The following CUX1 variants were observed in gnomAD, a reference collection of about 807,000 sequenced individuals.
The protein encoded by CUX1 is protein CASP.
A neutral mutation model predicts 158.8 loss-of-function variants in CUX1; 31 were observed. That is an observed-to-expected ratio of 0.20 (90% CI 0.15 to 0.26). The LOEUF (loss-of-function observed/expected upper bound fraction) is 0.26. CUX1 is among the 10% of genes least tolerant of loss of function. The pLI, the probability that CUX1 is intolerant of heterozygous loss-of-function variation, is 1.00. For synonymous variants in CUX1, 879 were observed against 862.1 expected (o/e 1.02, Z -0.34); for missense variants, 1,589 against 2,014.6 (o/e 0.79, Z 4.04).
intron 1 of CUX1, among the ~76,000 whole-genome samples, chr7:101,885,460 G>A (rs988571898): frequency 7.9e-5 from 12 of 152,210 alleles, no homozygotes; most frequent in African/African-American, 2.9e-4. Context: ...TCGGGAGGCT[G>A]AGGTGGGAGG....
chr7:102,271,513 G>A (rs1205674683), intron 14 of CUX1, among the ~76,000 whole-genome samples: 1 of 152,224 alleles, frequency 6.6e-6, no homozygotes, highest in Non-Finnish European at 1.5e-5. Flanking sequence ...ACTCAGGCCA[G>A]GAGGGCATGG....
rs75939103 is a variant in CUX1, at chr7:101,853,746, A to G, written c.30+36077A>G. ...CTTGGACTGGTCAGTTTCTCTAGCA[A>G]GGAGCCCTCAGTGTTCCTGCTGGGT... On this transcript the variant is annotated intron_variant, in intron 1 of 23. Coordinates refer to ENST00000292535, the MANE Select transcript of CUX1 (RefSeq NM_181552.4). Among the ~76,000 whole-genome samples the G allele has an allele frequency of 9.0e-3, 1,364 of 152,280 alleles. 10 individuals carry two copies. The highest frequency in any genetic ancestry group is 0.031 in the Middle Eastern group (9 of 294).
intron 9 of CUX1, among the ~76,000 whole-genome samples, chr7:102,168,119 A>G (rs1409661199): frequency 6.6e-6 from 1 of 151,698 alleles, no homozygotes; most frequent in African/African-American, 2.4e-5. Context: ...ATTAATTAGC[A>G]TGAACCAGAA....
chr7:102,216,532 C>CCACACACACACACACCCCCACACA (rs1797077335), intron 20 of CUX1, among the ~76,000 whole-genome samples: 1 of 88,376 alleles, frequency 1.1e-5, no homozygotes, highest in African/African-American at 4.5e-5. Context: ...ACACTCTCCC[C>CCACACACACACACACCCCCACACA]CCCACACACA....
At chr7:102,043,972 G>T (rs1822439081) in intron 3 of CUX1, among the ~76,000 whole-genome samples, 1 of 152,026 alleles carries the variant, frequency 6.6e-6, no homozygotes, top group Admixed American at 6.6e-5. Context: ...TCATATACCT[G>T]TCAGCCGTTT....
chr7:101,996,992 C>T (rs1165836301), intron 2 of CUX1, among the ~76,000 whole-genome samples: 3 of 151,968 alleles, frequency 2.0e-5, no homozygotes, highest in Non-Finnish European at 4.4e-5. Context: ...TGTGCACTCC[C>T]CTGCGCTCGT....
At chr7:102,003,800 A>C (rs576376434) in intron 2 of CUX1, among the ~76,000 whole-genome samples, 2 of 152,228 alleles carry the variant, frequency 1.3e-5, no homozygotes, top group Admixed American at 1.3e-4. Flanking sequence ...ATAACATAGG[A>C]TATTAAATAT....
rs550614019 is a variant in CUX1, at chr7:101,932,317, C to G, written c.141+16092C>G. ...ATGGGGCCGGCGTCAGCCTATTTCC[C>G]TGGGGTCAGGTGTGTTCACATAATC... On this transcript the variant is annotated intron_variant, in intron 2 of 23. Transcript: ENST00000292535. The G allele has an allele frequency of 4.1e-4, 89 of 214,862 alleles. No individual in the cohort carries two copies. In the South Asian group the frequency reaches 5.7e-3, roughly 14 times the overall value. The allele number at this position is 214,862 out of a possible 1,614,324, so 13.3% of individuals were successfully genotyped here.
At chr7:102,026,759 G>T (rs1585323903) in intron 2 of CUX1, among the ~76,000 whole-genome samples, 1 of 145,078 alleles carries the variant, frequency 6.9e-6, no homozygotes, top group East Asian at 2.0e-4. Flanking sequence ...GGTGTAGGTT[G>T]CAGTAAGCCG....
chr7:102,155,234 C>T (rs139241279), intron 8 of CUX1, among the ~76,000 whole-genome samples: 20 of 152,102 alleles, frequency 1.3e-4, no homozygotes, highest in African/African-American at 4.8e-4. Context: ...AACTGAAGTA[C>T]AAAATTGTGT....
At chr7:101,976,505 T>C (rs1812704344) in intron 2 of CUX1, among the ~76,000 whole-genome samples, 1 of 152,204 alleles carries the variant, frequency 6.6e-6, no homozygotes, top group South Asian at 2.1e-4. Flanking sequence ...TGAAATGAAC[T>C]TCCCCTAAAA....
At chr7:101,908,450 T>TTTG (rs1803010972) in intron 1 of CUX1, among the ~76,000 whole-genome samples, 2 of 150,176 alleles carry the variant, frequency 1.3e-5, no homozygotes, top group African/African-American at 4.9e-5. Context: ...CCAGCCTGTT[T>TTTG]TTTGTTTGTT....
In CUX1 at chr7:102,249,986, C is replaced by T. The variant is rs1801318177; in HGVS notation, c.*944C>T. On this transcript the variant is annotated 3_prime_UTR_variant, in exon 24 of 24. Transcript: ENST00000292535. ...ACATTGATGTATAGCTTTAACTGAC[C>T]CTGGGTTTTGCAGACCAGGGTTTGT... is the stretch of plus-strand genomic sequence containing the variant. 2 of 984,548 alleles carry T rather than the reference C, an allele frequency of 2.0e-6. No homozygotes were observed. The highest frequency in any genetic ancestry group is 1.2e-4 in the Admixed American group (2 of 16,174). The allele number at this position is 984,548 out of a possible 1,614,324, so 61.0% of individuals were successfully genotyped here. A position where few individuals can be genotyped will look rare whatever the true frequency, so the allele number is the denominator to read the frequency against.
intron 8 of CUX1, among the ~76,000 whole-genome samples, chr7:102,123,236 TA>T (rs200334224): frequency 1.1e-4 from 14 of 132,482 alleles, no homozygotes; most frequent in South Asian, 4.9e-4. Flanking sequence ...GTCTCAAAAA[TA>T]AAAAAAAAAG....
In CUX1 at chr7:102,254,268, A is replaced by AGC; in HGVS notation, c.*5226_*5227insGC. 2.0e-6 allele frequency: 2 copies of AGC among 985,314 alleles called. No homozygotes were observed. Among genetic ancestry groups the AGC allele is most frequent in the Non-Finnish European group, 2.4e-6 (2 of 829,952 alleles). The allele number at this position is 985,314 out of a possible 1,614,324, so 61.0% of individuals were successfully genotyped here. On this transcript the variant is annotated 3_prime_UTR_variant, in exon 24 of 24. Transcript: ENST00000292535. Reference sequence around the variant, plus strand: ...TCCTGCTCAGCTGTTAAGATCCATCATGGCCATTATCCTTGTCCCGGACTG... The same window carrying AGC: ...TCCTGCTCAGCTGTTAAGATCCATCAGCTGGCCATTATCCTTGTCCCGGACTG...
At position 102,243,674 on chromosome 7, in the gene CUX1, TAATAA is replaced by T. The variant is rs1473683105; in HGVS notation, c.3887+4097_3887+4101del. Among the ~76,000 whole-genome samples the T allele has an allele frequency of 1.2e-4, 17 of 140,734 alleles. No individual in the cohort carries two copies. In the East Asian group the frequency reaches 2.4e-3, roughly 20 times the overall value. The allele number at this position is 140,734 out of a possible 152,430, so 92.3% of individuals were successfully genotyped here. ...ATAATAATAATAATAATAATAATAA[TAATAA>T]AATAAATGAAGGAGAAGTGAGCATT... On this transcript the variant is annotated intron_variant, in intron 23 of 23. Coordinates refer to ENST00000292535, the MANE Select transcript of CUX1 (RefSeq NM_181552.4).
chr7:102,213,051 T>C (rs992407833), intron 20 of CUX1, among the ~76,000 whole-genome samples: 3 of 152,010 alleles, frequency 2.0e-5, no homozygotes, highest in Admixed American at 1.3e-4. Flanking sequence ...ACCATGTTGC[T>C]CAGGCTGGCC....
chr7:102,073,161 C>CTTTATTTTTTTTTTTTTTTTTT (rs1826323524), intron 4 of CUX1, among the ~76,000 whole-genome samples: 1 of 47,080 alleles, frequency 2.1e-5, no homozygotes, highest in African/African-American at 9.1e-5. Context: ...AATCTCTTTT[C>CTTTATTTTTTTTTTTTTTTTTT]TTTCTTTTTT....
chr7:101,909,253 G>T (rs71559438), intron 1 of CUX1, among the ~76,000 whole-genome samples: 2 of 120,334 alleles, frequency 1.7e-5, no homozygotes. Flanking sequence ...GTCCAGTTCA[G>T]GTTTGGGAGG....
Sources: gnomAD v4.1 joint callset for allele counts (sites outside exome capture counted in the v4.1 genomes callset) on GRCh38, gnomAD v4.1.1 for gene constraint, MANE v1.5 for transcripts, NCBI Gene and HGNC (gene_info 2026-07-23, HGNC 2026-07-21) for gene names.